Variants in ZMYM4 observed in about 807,000 individuals in gnomAD.
The protein encoded by ZMYM4 is zinc finger MYM-type containing 4, also known as zinc finger MYM-type protein 4.
Under a neutral mutation model 183.2 loss-of-function variants are expected in ZMYM4, and 31 were observed. That is an observed-to-expected ratio of 0.17 (90% CI 0.13 to 0.23). The LOEUF is 0.23. Ranked by LOEUF, ZMYM4 falls within the 10% of genes least tolerant of loss-of-function variation. The pLI, the probability that ZMYM4 is intolerant of heterozygous loss-of-function variation, is 1.00. For synonymous variants in ZMYM4, 592 were observed against 631.2 expected, an observed-to-expected ratio of 0.94 and a Z score of 0.93; for missense variants, 1,273 against 1,840.3, an observed-to-expected ratio of 0.69 and a Z score of 5.64.
At chr1:35,304,156 C>T (rs1641418070) in intron 1 of ZMYM4, among the ~76,000 whole-genome samples, 1 of 152,072 alleles carries the variant, frequency 6.6e-6, no homozygotes. Context: ...TCCTGAGTAG[C>T]TGGGATTACC....
chr1:35,389,895 G>T lies in ZMYM4; in HGVS notation c.2437-53G>T. On this transcript the variant is annotated intron_variant, in intron 14 of 29. Transcript: ENST00000314607. This position sits in a 1 kb window ranked among gnomAD's most constrained non-coding sequence, Gnocchi z 4.0. The stretch of plus-strand genomic sequence containing the variant: ...GTTATGTGTGTCTTATTTTTATTTT[G>T]TCAGACCACAGATAATTTGTTTCTT... 3 of 1,537,910 alleles carry T rather than the reference G, an allele frequency of 2.0e-6. No individual in the cohort carries two copies. Among genetic ancestry groups the T allele is most frequent in the Admixed American group, 2.0e-5 (1 of 49,868 alleles).
Position 35,269,098 on chromosome 1 carries a change from A to T in ZMYM4, c.39+13A>T, listed in dbSNP as rs1402567743. On this transcript the variant is annotated intron_variant, in intron 1 of 29. Coordinates refer to ENST00000314607, the MANE Select transcript of ZMYM4 (RefSeq NM_005095.3). ...CCCCCGAAAGAGGGTAGGTGAGGTG[A>T]GGCAGAACTCGGGCGGCGGGGGGCG... 2 of 1,547,826 alleles carry T rather than the reference A, an allele frequency of 1.3e-6. No homozygotes were observed. The highest frequency in any genetic ancestry group is 1.4e-5 in the African/African-American group (1 of 72,844).
At chr1:35,359,785 C>G (rs1643896828) in intron 3 of ZMYM4, among the ~76,000 whole-genome samples, 1 of 152,026 alleles carries the variant, frequency 6.6e-6, no homozygotes, top group African/African-American at 2.4e-5. Context: ...GCTGTAAGCA[C>G]TAATTCAAAC....
At position 35,408,073 on chromosome 1, in the gene ZMYM4, T is replaced by A. The variant is rs779188961; in HGVS notation, c.3862T>A (p.Cys1288Ser). Residue 1288 changes from cysteine to serine, a missense_variant, in exon 26 of 30, where the codon TGC (cysteine) becomes AGC (serine). Cys to Ser is a moderately radical substitution (Grantham distance 112, BLOSUM62 -1). Transcript: ENST00000314607. ...CTFAELSLGL[C>S]QFIQEVRRPN... ...TTTTGCTGAGTTGAGTTTGGGCTTA[T>A]GCCAGTTTATCCAAGAGGTGCGGAG... 1.9e-6 allele frequency: 3 copies of A among 1,614,130 alleles called. No individual in the cohort carries two copies. In the South Asian group the frequency reaches 3.3e-5, roughly 18 times the overall value.
chr1:35,378,848 C>G, intron 7 of ZMYM4, among the ~76,000 whole-genome samples: 1 of 152,184 alleles, frequency 6.6e-6, no homozygotes. Flanking sequence ...GCTACTGCTT[C>G]TCCATCAGCA....
At chr1:35,332,076 A>G (rs16837287) in intron 2 of ZMYM4, among the ~76,000 whole-genome samples, 8,443 of 152,032 alleles carry the variant, frequency 0.056, 858 homozygotes, top group East Asian at 0.44. Context: ...ATAGATGTCT[A>G]TTAATCATTT....
chr1:35,313,448 G>A (rs1641896182), intron 1 of ZMYM4, among the ~76,000 whole-genome samples: 1 of 143,450 alleles, frequency 7.0e-6, no homozygotes, highest in Non-Finnish European at 1.5e-5. Flanking sequence ...CAGTGTAGTA[G>A]CACGATCTCA....
chr1:35,304,556 C>G (rs545127072), intron 1 of ZMYM4, among the ~76,000 whole-genome samples: 26 of 150,952 alleles, frequency 1.7e-4, no homozygotes, highest in African/African-American at 5.3e-4. Context: ...CTCCTGGGCT[C>G]AAATCATCCT....
intron 2 of ZMYM4, among the ~76,000 whole-genome samples, chr1:35,334,494 G>A (rs1642893341): frequency 6.6e-6 from 1 of 152,068 alleles, no homozygotes; most frequent in Admixed American, 6.5e-5. Flanking sequence ...TAGAATTTGA[G>A]CAGCTTTTAA....
At chr1:35,347,817 G>T (rs1643455075) in intron 2 of ZMYM4, among the ~76,000 whole-genome samples, 1 of 152,104 alleles carries the variant, frequency 6.6e-6, no homozygotes, top group South Asian at 2.1e-4. Flanking sequence ...TGGCAAAAAT[G>T]ACTTTTGTAT....
At position 35,388,785 on chromosome 1, in the gene ZMYM4, G is replaced by A. The variant is rs182801411; in HGVS notation, c.2264-125G>A. The A allele has an allele frequency of 1.5e-3, 1,238 of 828,374 alleles. 4 individuals are homozygous for A. The highest frequency in any genetic ancestry group is 2.0e-3 in the Non-Finnish European group (1,081 of 532,456). The allele number at this position is 828,374 out of a possible 1,614,324, so 51.3% of individuals were successfully genotyped here. A position where few individuals can be genotyped will look rare whatever the true frequency, so the allele number is the denominator to read the frequency against. ...ACTCCTGGGCTCAAGCACTCCTCCC[G>A]CCAGCCTCCCAAAGTGTTGGGATTA... On this transcript the variant is annotated intron_variant, in intron 13 of 29. Transcript: ENST00000314607.
intron 5 of ZMYM4, among the ~76,000 whole-genome samples, chr1:35,367,182 A>C (rs960410706): frequency 2.0e-5 from 3 of 152,180 alleles, no homozygotes; most frequent in Non-Finnish European, 4.4e-5. Flanking sequence ...TGAATGTGGC[A>C]AATGCTGTTA....
chr1:35,418,649 A>C, intron 29 of ZMYM4, 77 bp downstream of exon 29: 1 of 1,562,610 alleles, frequency 6.4e-7, no homozygotes, highest in South Asian at 1.2e-5. Context: ...CTTGAACATC[A>C]GAAAAGTAGC....
chr1:35,284,169 G>A (rs888563354), intron 1 of ZMYM4, among the ~76,000 whole-genome samples: 1 of 151,524 alleles, frequency 6.6e-6, no homozygotes, highest in South Asian at 2.1e-4. Context: ...GTAGAGACGG[G>A]GTTTCACCTT....
intron 2 of ZMYM4, among the ~76,000 whole-genome samples, chr1:35,340,573 C>T (rs1262982585): frequency 6.6e-6 from 1 of 151,754 alleles, no homozygotes; most frequent in Non-Finnish European, 1.5e-5. Flanking sequence ...ACATTAGATT[C>T]TCATAATGGG....
chr1:35,311,520 G>A (rs943500437), intron 1 of ZMYM4, among the ~76,000 whole-genome samples: 11 of 151,554 alleles, frequency 7.3e-5, no homozygotes, highest in Admixed American at 2.0e-4. Flanking sequence ...CAGACCTGGC[G>A]TGGTGGCTCA....
In ZMYM4 at chr1:35,419,781, AC is replaced by A; in HGVS notation, c.*106del. 8.6e-7 allele frequency: 1 copy of A among 1,158,946 alleles called. No individual in the cohort carries two copies. The highest frequency in any genetic ancestry group is 1.2e-6 in the Non-Finnish European group (1 of 806,034). The allele number at this position is 1,158,946 out of a possible 1,614,324, so 71.8% of individuals were successfully genotyped here. ...TATAAGTCTAAGTCCTCTTGACTTG[AC>A]CATAAGATCATGGAAAACAGATGAC... On this transcript the variant is annotated 3_prime_UTR_variant, in exon 30 of 30. Transcript: ENST00000314607.
intron 1 of ZMYM4, among the ~76,000 whole-genome samples, chr1:35,317,650 G>A (rs1426898483): frequency 6.6e-6 from 1 of 152,144 alleles, no homozygotes; most frequent in Non-Finnish European, 1.5e-5. Context: ...TTGTTGATAA[G>A]TTTTCTGGTA....
intron 26 of ZMYM4, among the ~76,000 whole-genome samples, chr1:35,412,050 A>AT (rs560248011): frequency 0.02 from 2,942 of 143,620 alleles, 79 homozygotes; most frequent in African/African-American, 0.065. Context: ...CGCCCAGCTA[A>AT]TTTTTTTTTT....
Sources: gnomAD v4.1 joint callset for allele counts (sites outside exome capture counted in the v4.1 genomes callset) on GRCh38, gnomAD v4.1.1 for gene constraint, Gnocchi (gnomAD v3.1) non-coding constraint, MANE v1.5 for transcripts, NCBI Gene and HGNC (gene_info 2026-07-23, HGNC 2026-07-21) for gene names.